Variants in ANO4 observed in about 807,000 individuals in gnomAD.
The protein encoded by ANO4 is anoctamin-4.
A neutral mutation model predicts 141.9 loss-of-function variants in ANO4; 69 were observed. The observed-to-expected ratio is 0.49, with a 90% CI of 0.40 to 0.59. The LOEUF (loss-of-function observed/expected upper bound fraction) is 0.59, where lower values mean the gene tolerates loss of function less well. Ranked by LOEUF, ANO4 falls within the 20% of genes least tolerant of loss-of-function variation. The probability of loss-of-function intolerance (pLI) is 0.00; values close to 1 mark genes in which losing one functional copy is unlikely to be tolerated. For missense variants in ANO4, 894 were observed against 1,162.2 expected (o/e 0.77, Z 3.36); for synonymous variants, 350 against 394.3 (o/e 0.89, Z 1.33).
At chr12:100,936,096 A>G (rs960152041) in intron 3 of ANO4, among the ~76,000 whole-genome samples, 1 of 152,108 alleles carries the variant, frequency 6.6e-6, no homozygotes, top group African/African-American at 2.4e-5. Flanking sequence ...CTATTGTCTA[A>G]CAGATTGCCA....
chr12:100,974,739 C>G, intron 6 of ANO4, 106 bp from the exon 7 acceptor site: 1 of 1,229,464 alleles, frequency 8.1e-7, no homozygotes, highest in Non-Finnish European at 1.2e-6. Flanking sequence ...TCTTCTTCAC[C>G]TCTTACAGGC....
At chr12:100,923,954 C>A (rs538804557) in intron 3 of ANO4, among the ~76,000 whole-genome samples, 1 of 152,212 alleles carries the variant, frequency 6.6e-6, no homozygotes, top group Admixed American at 6.5e-5. Context: ...AGTGTCTGTT[C>A]ATATCCTTTG....
intron 18 of ANO4, 94 bp downstream of exon 18, chr12:101,094,386 G>T: frequency 5.0e-6 from 5 of 994,586 alleles, no homozygotes; most frequent in Non-Finnish European, 7.2e-6. Context: ...GAAAGAAATA[G>T]TCCCTTTATT....
intron 2 of ANO4, among the ~76,000 whole-genome samples, chr12:100,904,639 G>A (rs992059450): frequency 6.6e-6 from 1 of 152,108 alleles, no homozygotes; most frequent in South Asian, 2.1e-4. Context: ...GTGAGGTGGG[G>A]AATCAACTCA....
chr12:101,049,529 G>A (rs11110631), intron 14 of ANO4, among the ~76,000 whole-genome samples: 90 of 150,724 alleles, frequency 6.0e-4, no homozygotes, highest in African/African-American at 2.1e-3. Flanking sequence ...AGTTTCTGTT[G>A]GATGGATGGG....
intron 5 of ANO4, among the ~76,000 whole-genome samples, chr12:100,956,243 A>G (rs892337160): frequency 6.6e-6 from 1 of 151,948 alleles, no homozygotes; most frequent in African/African-American, 2.4e-5. Flanking sequence ...AACAAACTGT[A>G]CCAGCCATTA....
At chr12:100,956,354 T>G (rs1367297923) in intron 5 of ANO4, among the ~76,000 whole-genome samples, 1 of 152,230 alleles carries the variant, frequency 6.6e-6, no homozygotes, top group African/African-American at 2.4e-5. Flanking sequence ...TCTCTCTGTT[T>G]TCTACACATG....
chr12:101,083,770 A>G lies in ANO4; in HGVS notation c.1488A>G (p.Thr496=), dbSNP rs780891719. The part of the protein sequence containing the change: ...SGKPEPYQAF[T]DKCSRLIVSA... ...AGCCAGAACCTTATCAAGCATTTAC[A>G]GATAAATGCAGCAGACTTATCGTTT... is the stretch of plus-strand genomic sequence containing the variant. Residue 496 remains threonine (T), a synonymous_variant, in exon 16 of 28, where the codon ACA becomes ACG. Coordinates refer to ENST00000392977, the MANE Select transcript of ANO4 (RefSeq NM_001286615.2). 2.5e-6 allele frequency: 4 copies of G among 1,599,960 alleles called. No individual in the cohort carries two copies. Among genetic ancestry groups the G allele is most frequent in the Non-Finnish European group, 3.4e-6 (4 of 1,176,470 alleles).
chr12:100,873,435 G>A (rs1353935753), intron 1 of ANO4, among the ~76,000 whole-genome samples: 1 of 152,180 alleles, frequency 6.6e-6, no homozygotes, highest in Non-Finnish European at 1.5e-5. Flanking sequence ...ATGGAAATGA[G>A]TAACTTATTG....
intron 1 of ANO4, among the ~76,000 whole-genome samples, chr12:100,891,120 G>C (rs1048146050): frequency 6.6e-6 from 1 of 152,116 alleles, no homozygotes; most frequent in African/African-American, 2.4e-5. Context: ...GGACAGTTAA[G>C]GTTCCCACAT....
rs1178924000 is a variant in ANO4 at position 100,914,033 on chromosome 12, G to T, written c.56-8193G>T. ...CTTCTCCTCATCTGCAAGAGCCCTC[G>T]TCATCACAACAGACCTCAGCATCTA... On this transcript the variant is annotated intron_variant, in intron 2 of 27. Coordinates refer to ENST00000392977, the MANE Select transcript of ANO4 (RefSeq NM_001286615.2). Among the ~76,000 whole-genome samples, 5 of 152,146 alleles carry T rather than the reference G, an allele frequency of 3.3e-5. No homozygotes were observed. In the South Asian group the frequency reaches 1.0e-3, roughly 32 times the overall value.
At chr12:101,066,994 TAAC>T in intron 14 of ANO4, 11 of 135,770 alleles carry the variant, frequency 8.1e-5, no homozygotes, top group South Asian at 4.1e-4. Context: ...ACTTAAAGTA[TAAC>T]AAAAAAAAAA....
chr12:100,895,927 T>C (rs752477166), intron 1 of ANO4, among the ~76,000 whole-genome samples: 1 of 152,030 alleles, frequency 6.6e-6, no homozygotes, highest in Non-Finnish European at 1.5e-5. Context: ...AAGTGTCTCT[T>C]GAGAAAACTC....
In ANO4 at chr12:100,832,381, T is replaced by C. The variant is rs188121405; in HGVS notation, c.-141+37354T>C. On this transcript the variant is annotated intron_variant, in intron 1 of 27. Transcript: ENST00000392977. Reference sequence around the variant, plus strand: ...GGGTATTGGCAGGTGTTGGGGTGAGTTGACGAAAAAGCAAAACAATAGTTT... The same window carrying C: ...GGGTATTGGCAGGTGTTGGGGTGAGCTGACGAAAAAGCAAAACAATAGTTT... Among the ~76,000 whole-genome samples, 704 of 152,010 alleles carry C rather than the reference T, an allele frequency of 4.6e-3. 8 individuals carry two copies. The highest frequency in any genetic ancestry group is 0.016 in the African/African-American group (661 of 41,480).
chr12:100,953,587 A>G (rs1289046695), intron 5 of ANO4, among the ~76,000 whole-genome samples: 3 of 152,224 alleles, frequency 2.0e-5, no homozygotes, highest in Non-Finnish European at 4.4e-5. Context: ...TGTCTGATGA[A>G]TATCTACTAC....
At chr12:101,022,592 T>C (rs1054215303) in intron 9 of ANO4, among the ~76,000 whole-genome samples, 6 of 152,244 alleles carry the variant, frequency 3.9e-5, no homozygotes, top group Non-Finnish European at 5.9e-5. Flanking sequence ...TTTTTTCAGT[T>C]AACATTGTAC....
chr12:100,876,781 C>T (rs2039330970), intron 1 of ANO4, among the ~76,000 whole-genome samples: 1 of 152,164 alleles, frequency 6.6e-6, no homozygotes, highest in African/African-American at 2.4e-5. Context: ...GGGTTTATCA[C>T]TGGATTTTCT....
chr12:100,989,444 C>T (rs1472363555), intron 8 of ANO4, among the ~76,000 whole-genome samples: 1 of 152,192 alleles, frequency 6.6e-6, no homozygotes, highest in Non-Finnish European at 1.5e-5. Flanking sequence ...CAGGTTTTCC[C>T]TGTGCTTCTA....
intron 1 of ANO4, among the ~76,000 whole-genome samples, chr12:100,897,167 A>C (rs1329510799): frequency 1.3e-5 from 2 of 152,206 alleles, no homozygotes; most frequent in Non-Finnish European, 2.9e-5. Flanking sequence ...CAAGTAAGGT[A>C]GATGATGTGT....
Sources: gnomAD v4.1 joint callset for allele counts (sites outside exome capture counted in the v4.1 genomes callset) on GRCh38, gnomAD v4.1.1 for gene constraint, MANE v1.5 for transcripts, NCBI Gene and HGNC (gene_info 2026-07-23, HGNC 2026-07-21) for gene names.